NARS2: variants seen among roughly 807,000 people sequenced by gnomAD.
NARS2 encodes the protein asparaginyl-tRNA synthetase.
In NARS2, 60 loss-of-function variants were observed where a neutral mutation model predicts 62.9. The ratio of observed to expected loss-of-function variants is 0.95; its 90% CI spans 0.77 to 1.18. The LOEUF is 1.18. Among genes scored for constraint, NARS2 ranks in the 50% most tolerant of loss-of-function variants. NARS2 has a pLI of 0.00. For missense variants in NARS2, 619 were observed against 576.4 expected (o/e 1.07, Z -0.76); for synonymous variants, 196 against 200.0 (o/e 0.98, Z 0.17).
chr11:78,546,902 TA>T (rs1855899197), intron 5 of NARS2, among the ~76,000 whole-genome samples: 1 of 152,366 alleles, frequency 6.6e-6, no homozygotes, highest in African/African-American at 2.4e-5. Flanking sequence ...AGAGCACTTA[TA>T]AAAAGTGAAG....
At chr11:78,570,366 C>T (rs1036197626) in intron 2 of NARS2, among the ~76,000 whole-genome samples, 1 of 152,100 alleles carries the variant, frequency 6.6e-6, no homozygotes, top group Non-Finnish European at 1.5e-5. Context: ...AGAGCTGATA[C>T]CTAACATTAA....
intron 6 of NARS2, among the ~76,000 whole-genome samples, chr11:78,513,323 T>C (rs1381572020): frequency 6.7e-6 from 1 of 149,306 alleles, no homozygotes; most frequent in East Asian, 2.0e-4. Context: ...AAGTATAAAA[T>C]ACTAAGGTCT....
chr11:78,508,747 T>C (rs1860602389), intron 6 of NARS2, among the ~76,000 whole-genome samples: 1 of 151,970 alleles, frequency 6.6e-6, no homozygotes, highest in Admixed American at 6.6e-5. Flanking sequence ...AGAAACATTA[T>C]AATCAAACTT....
At chr11:78,535,847 C>A (rs1437249659) in intron 5 of NARS2, among the ~76,000 whole-genome samples, 1 of 152,012 alleles carries the variant, frequency 6.6e-6, no homozygotes, top group East Asian at 1.9e-4. Context: ...AAACTCCTGA[C>A]CTCAGGTGAT....
intron 6 of NARS2, among the ~76,000 whole-genome samples, chr11:78,508,784 A>G (rs891944420): frequency 6.6e-6 from 1 of 152,084 alleles, no homozygotes; most frequent in African/African-American, 2.4e-5. Flanking sequence ...AAGAATCATG[A>G]AAGTAGGAAG....
At chr11:78,458,160 G>A (rs1488763427) in intron 11 of NARS2, among the ~76,000 whole-genome samples, 8 of 152,022 alleles carry the variant, frequency 5.3e-5, no homozygotes, top group Admixed American at 3.9e-4. Context: ...AATGTTTGAG[G>A]TGACGAATAT....
chr11:78,467,298 C>T (rs1202429025), intron 10 of NARS2, among the ~76,000 whole-genome samples: 1 of 152,118 alleles, frequency 6.6e-6, no homozygotes, highest in Non-Finnish European at 1.5e-5. Context: ...CCTTTAATCC[C>T]AGCACCTTGG....
At chr11:78,572,281 A>G (rs552335441) in intron 1 of NARS2, among the ~76,000 whole-genome samples, 50 of 152,334 alleles carry the variant, frequency 3.3e-4, no homozygotes, top group Admixed American at 1.0e-3. Flanking sequence ...ATGTGCTTCT[A>G]TTCTAACCTC....
At chr11:78,529,403 C>T (rs1413571785) in intron 5 of NARS2, among the ~76,000 whole-genome samples, 2 of 152,102 alleles carry the variant, frequency 1.3e-5, no homozygotes, top group South Asian at 2.1e-4. Context: ...TTTATAAACA[C>T]ATTATGAACT....
intron 6 of NARS2, among the ~76,000 whole-genome samples, chr11:78,509,802 G>C (rs1860646338): frequency 6.7e-6 from 1 of 149,354 alleles, no homozygotes. Flanking sequence ...ACTCCAGCCT[G>C]GGTGATGGAG....
At chr11:78,540,306 C>T (rs1855561373) in intron 5 of NARS2, among the ~76,000 whole-genome samples, 1 of 152,104 alleles carries the variant, frequency 6.6e-6, no homozygotes, top group African/African-American at 2.4e-5. Context: ...TTGAATTGCC[C>T]TCCAGTTATT....
At chr11:78,564,456 G>A (rs1856671671) in intron 4 of NARS2, among the ~76,000 whole-genome samples, 1 of 152,172 alleles carries the variant, frequency 6.6e-6, no homozygotes. Context: ...CTCCCCAAGT[G>A]CTGGGATTAC....
At chr11:78,469,347 C>T in intron 9 of NARS2, 34 bp from the exon 10 acceptor site, 1 of 1,516,818 alleles carries the variant, frequency 6.6e-7, no homozygotes. Context: ...AGAGAAAAGT[C>T]AATACAATGG....
chr11:78,450,848 T>C (rs1261959075), intron 11 of NARS2, among the ~76,000 whole-genome samples: 2 of 151,882 alleles, frequency 1.3e-5, no homozygotes, highest in African/African-American at 4.8e-5. Context: ...CTAATTTTTA[T>C]ACCTAATTTT....
intron 4 of NARS2, among the ~76,000 whole-genome samples, chr11:78,561,063 A>G (rs1856540860): frequency 6.6e-6 from 1 of 152,206 alleles, no homozygotes; most frequent in Admixed American, 6.5e-5. Flanking sequence ...GCCACAAGAA[A>G]CAGCACTGTA....
At chr11:78,455,813 T>C (rs1858139187) in intron 11 of NARS2, among the ~76,000 whole-genome samples, 1 of 151,884 alleles carries the variant, frequency 6.6e-6, no homozygotes, top group Non-Finnish European at 1.5e-5. Flanking sequence ...CATGAGTGAC[T>C]ATACTGCTGC....
At chr11:78,460,967 T>C (rs114034837) in intron 11 of NARS2, among the ~76,000 whole-genome samples, 1,647 of 152,358 alleles carry the variant, frequency 0.011, 29 homozygotes, top group African/African-American at 0.038. Context: ...AGCATTTACA[T>C]TGTATTAGGT....
At chr11:78,506,110 A>G (rs946651794) in intron 6 of NARS2, among the ~76,000 whole-genome samples, 2 of 152,242 alleles carry the variant, frequency 1.3e-5, no homozygotes, top group Admixed American at 1.3e-4. Flanking sequence ...AATGTTCAAC[A>G]GTACTGGTCA....
chr11:78,497,241 G>GA (rs35740309), intron 6 of NARS2, among the ~76,000 whole-genome samples: 4,921 of 103,926 alleles, frequency 0.047, 108 homozygotes, highest in African/African-American at 0.094. Context: ...AAGCAAAATT[G>GA]AAAAAAAAAA....
Sources: allele counts gnomAD v4.1 joint callset (sites outside exome capture counted in the v4.1 genomes callset), GRCh38; gene constraint gnomAD v4.1.1; transcripts MANE v1.5; gene names NCBI Gene and HGNC (gene_info 2026-07-23, HGNC 2026-07-21).